SEL1L2: variants seen among roughly 807,000 people sequenced by gnomAD.
The protein encoded by SEL1L2 is protein sel-1 homolog 2.
Under a neutral mutation model 98.8 loss-of-function variants are expected in SEL1L2, and 89 were observed. That is an observed-to-expected ratio of 0.90 (90% CI 0.76 to 1.07). The LOEUF is 1.07. Ranked by LOEUF, SEL1L2 falls within the 50% of genes least tolerant of loss-of-function variation. The pLI is 0.00. For synonymous variants in SEL1L2, 262 were observed against 278.5 expected (o/e 0.94, Z 0.59); for missense variants, 788 against 812.0 (o/e 0.97, Z 0.36).
intron 5 of SEL1L2, among the ~76,000 whole-genome samples, chr20:13,907,859 C>T (rs1260570584): frequency 6.6e-6 from 1 of 151,448 alleles, no homozygotes; most frequent in Non-Finnish European, 1.5e-5. Context: ...CCTCAACCTC[C>T]TGGGCTCAAG....
At chr20:13,916,635 G>A (rs2048414948) in intron 4 of SEL1L2, among the ~76,000 whole-genome samples, 1 of 152,076 alleles carries the variant, frequency 6.6e-6, no homozygotes, top group Non-Finnish European at 1.5e-5. Flanking sequence ...GCGAAACCCT[G>A]TCTCTACTAA....
chr20:13,870,119 A>T (rs1028929784), intron 13 of SEL1L2, 22 bp downstream of exon 13: 3 of 1,518,006 alleles, frequency 2.0e-6, no homozygotes, highest in Non-Finnish European at 2.7e-6. Context: ...AAATAAAAAG[A>T]TAATAAAATA....
intron 5 of SEL1L2, 114 bp downstream of exon 5, chr20:13,913,668 T>C: frequency 1.0e-6 from 1 of 993,708 alleles, no homozygotes; most frequent in Non-Finnish European, 1.4e-6. Context: ...GTAACCTCCC[T>C]AGACTGGGTT....
chr20:13,977,158 T>G (rs969353651), intron 1 of SEL1L2, among the ~76,000 whole-genome samples: 4 of 152,186 alleles, frequency 2.6e-5, no homozygotes, highest in African/African-American at 9.7e-5. Flanking sequence ...TGTAGCTGGA[T>G]ATGCTGGTCT....
intron 1 of SEL1L2, among the ~76,000 whole-genome samples, chr20:13,974,813 G>T (rs954869783): frequency 6.6e-6 from 1 of 152,022 alleles, no homozygotes; most frequent in Non-Finnish European, 1.5e-5. Context: ...TTTCCTAGAA[G>T]TATTCTCTTT....
chr20:13,993,019 C>G (rs1043588931), upstream of SEL1L2, among the ~76,000 whole-genome samples: 31 of 152,198 alleles, frequency 2.0e-4, no homozygotes, highest in African/African-American at 6.7e-4. Flanking sequence ...TAAGTCAGTC[C>G]ATAGTAAAGA....
chr20:13,870,265 G>T, intron 12 of SEL1L2, 62 bp from the exon 13 acceptor site: 1 of 1,341,774 alleles, frequency 7.5e-7, no homozygotes, highest in Non-Finnish European at 1.0e-6. Context: ...GAAAATTACT[G>T]CAAAATTTTT....
At chr20:13,858,358 C>G (rs945893679) in intron 18 of SEL1L2, among the ~76,000 whole-genome samples, 18 of 151,926 alleles carry the variant, frequency 1.2e-4, no homozygotes, top group African/African-American at 3.9e-4. Context: ...TGACTCACTG[C>G]GAGGCCCACT....
intron 4 of SEL1L2, among the ~76,000 whole-genome samples, chr20:13,915,515 C>T (rs751696213): frequency 1.2e-4 from 18 of 152,292 alleles, no homozygotes; most frequent in East Asian, 3.9e-4. Flanking sequence ...CCTACTGGGA[C>T]AGGAGGAGCA....
intron 1 of SEL1L2, among the ~76,000 whole-genome samples, chr20:13,964,791 C>G (rs114504386): frequency 2.0e-5 from 3 of 151,984 alleles, no homozygotes; most frequent in East Asian, 3.9e-4. Context: ...AGCTTTTAAC[C>G]TTTTCACATA....
Position 13,990,508 on chromosome 20 carries a change from C to A in SEL1L2, c.27G>T (p.Glu9Asp). The A allele has an allele frequency of 6.2e-7, 1 of 1,612,802 alleles. No homozygotes were observed. Among genetic ancestry groups the A allele is most frequent in the Non-Finnish European group, 8.5e-7 (1 of 1,179,054 alleles). MKPLSLLI[E>D]ILIILGVTIK... ...TTGTGACCCCAAGAATTATCAATAT[C>A]TCTATTAACAGAGACAAGGGCTTCA... Residue 9 changes from glutamate to aspartate, a missense_variant, in exon 1 of 20, where the codon GAG becomes GAT. Physicochemically the swap from Glu to Asp is conservative, Grantham distance 45. Transcript: ENST00000284951.
chr20:13,973,273 T>C (rs1195568088), intron 1 of SEL1L2: 1 of 152,238 alleles, frequency 6.6e-6, no homozygotes, highest in African/African-American at 2.4e-5. Flanking sequence ...AAATACATAT[T>C]ATGGTATTTT....
At chr20:13,935,768 A>G (rs888667416) in intron 2 of SEL1L2, among the ~76,000 whole-genome samples, 3 of 152,150 alleles carry the variant, frequency 2.0e-5, no homozygotes, top group Non-Finnish European at 4.4e-5. Flanking sequence ...TAAATTTCAG[A>G]AGTATCATTC....
At chr20:13,939,038 TTG>T (rs142526764) in intron 2 of SEL1L2, among the ~76,000 whole-genome samples, 14 of 25,676 alleles carry the variant, frequency 5.5e-4, no homozygotes, top group South Asian at 2.1e-3. Context: ...TTTGCTTGTT[TTG>T]TTTTTTTTTT....
At chr20:13,908,134 T>TGG (rs2048054548) in intron 5 of SEL1L2, among the ~76,000 whole-genome samples, 1 of 41,418 alleles carries the variant, frequency 2.4e-5, no homozygotes, top group African/African-American at 8.3e-5. Context: ...TTTTTTTTTT[T>TGG]TGAGACAGGG....
rs751625725 is a variant in SEL1L2 at position 13,919,082 on chromosome 20, G to T, written c.325C>A (p.Gln109Lys). The T allele has an allele frequency of 3.2e-5, 52 of 1,613,146 alleles. No individual in the cohort carries two copies. The highest frequency in any genetic ancestry group is 4.2e-5 in the Non-Finnish European group (50 of 1,179,690). ...AEKNFTDEGD[Q>K]LFKMGIKVLQ... ...ACCTTGATGCCCATCTTAAATAGCT[G>T]GTCTCCTTCATCTGTAAAATTTTTC... The change falls in exon 4 of 20, where the codon CAG becomes AAG. Residue 109 changes from glutamine to lysine, a missense_variant. Transcript: ENST00000284951.
intron 5 of SEL1L2, among the ~76,000 whole-genome samples, chr20:13,913,160 G>A (rs1402982488): frequency 6.6e-6 from 1 of 152,168 alleles, no homozygotes; most frequent in Non-Finnish European, 1.5e-5. Context: ...TGATTTCTCA[G>A]ACTTTTTTCA....
intron 18 of SEL1L2, among the ~76,000 whole-genome samples, chr20:13,854,000 T>C (rs934212088): frequency 6.6e-6 from 1 of 152,230 alleles, no homozygotes; most frequent in South Asian, 2.1e-4. Context: ...CTAAGAAATG[T>C]GTTTTCTGTC....
intron 19 of SEL1L2, 88 bp downstream of exon 19, chr20:13,850,103 G>T: frequency 6.7e-7 from 1 of 1,490,154 alleles, no homozygotes; most frequent in Non-Finnish European, 9.2e-7. Context: ...GTCCACAAGA[G>T]ACTCCCTGAT....
Sources: allele counts gnomAD v4.1 joint callset (sites outside exome capture counted in the v4.1 genomes callset), GRCh38; gene constraint gnomAD v4.1.1; transcripts MANE v1.5; gene names NCBI Gene and HGNC (gene_info 2026-07-23, HGNC 2026-07-21).